Variants in COL13A1 observed in about 807,000 individuals in gnomAD.
COL13A1 encodes the protein collagen type XIII alpha 1 chain.
COL13A1 carries 89 observed loss-of-function variants against 130.9 expected under a neutral mutation model. That is an observed-to-expected ratio of 0.68 (90% confidence interval 0.57 to 0.81). COL13A1 has a LOEUF of 0.81. COL13A1 is among the 30% of genes least tolerant of loss of function. The pLI is 0.00. For synonymous variants in COL13A1, 402 were observed against 341.6 expected, an observed-to-expected ratio of 1.18 and a Z score of -1.95; for missense variants, 879 against 934.6, an observed-to-expected ratio of 0.94 and a Z score of 0.78.
intron 14 of COL13A1, among the ~76,000 whole-genome samples, chr10:69,902,432 G>T (rs976121560): frequency 1.3e-5 from 2 of 152,184 alleles, no homozygotes; most frequent in East Asian, 1.9e-4. Context: ...GCAGGCCTTT[G>T]GTTGGGCCAG....
At chr10:69,919,005 T>C (rs1026843304) in intron 19 of COL13A1, 57 bp from the exon 20 acceptor site, 47 of 1,611,442 alleles carry the variant, frequency 2.9e-5, no homozygotes, top group Admixed American at 1.7e-4. Context: ...ACAGGTGCCT[T>C]GCTCATTTGT....
At chr10:69,817,340 C>T (rs11598108) in intron 1 of COL13A1, among the ~76,000 whole-genome samples, 26,396 of 151,068 alleles carry the variant, frequency 0.17, 2,340 homozygotes, top group Admixed American at 0.26. Flanking sequence ...TGCAGATGGA[C>T]GGCACGTGTA....
intron 2 of COL13A1, among the ~76,000 whole-genome samples, chr10:69,842,848 T>C (rs1049268612): frequency 6.6e-6 from 1 of 152,184 alleles, no homozygotes; most frequent in Non-Finnish European, 1.5e-5. Context: ...TTCCGCTGTG[T>C]GAGGGTTTCA....
intron 2 of COL13A1, among the ~76,000 whole-genome samples, chr10:69,857,504 A>G (rs1165907191): frequency 6.6e-6 from 1 of 152,196 alleles, no homozygotes; most frequent in East Asian, 1.9e-4. Context: ...CCATCAGATC[A>G]GTGGTGGCAT....
Position 69,888,560 on chromosome 10 carries a change from C to T in COL13A1, c.576+230C>T, listed in dbSNP as rs7100913. On this transcript the variant is annotated intron_variant, in intron 9 of 40. Coordinates refer to ENST00000645393, the MANE Select transcript of COL13A1 (RefSeq NM_001368882.1). Reference sequence around the variant, plus strand: ...CTGAGCTTGGCTTTCGAAGTCCAGGCGAGAGCCATCCCTAGAATGGGTGAT... The same window carrying T: ...CTGAGCTTGGCTTTCGAAGTCCAGGTGAGAGCCATCCCTAGAATGGGTGAT... 0.12 allele frequency among the ~76,000 whole-genome samples: 18,851 copies of T among 152,112 alleles called. 1,226 individuals are homozygous for T. The highest frequency in any genetic ancestry group is 0.23 in the Middle Eastern group (69 of 294).
intron 20 of COL13A1, 27 bp downstream of exon 20, chr10:69,919,115 G>T: frequency 6.2e-7 from 1 of 1,613,890 alleles, no homozygotes; most frequent in Non-Finnish European, 8.5e-7. Context: ...AATGTTCCGG[G>T]CTGCACAGAG....
At chr10:69,904,363 A>G (rs941265237) in intron 15 of COL13A1, among the ~76,000 whole-genome samples, 15 of 152,208 alleles carry the variant, frequency 9.9e-5, no homozygotes, top group African/African-American at 3.6e-4. Flanking sequence ...GACCAGACTC[A>G]GGCATCACGG....
intron 30 of COL13A1, among the ~76,000 whole-genome samples, chr10:69,932,021 C>T (rs1451205641): frequency 1.3e-5 from 2 of 152,094 alleles, no homozygotes; most frequent in African/African-American, 4.8e-5. Flanking sequence ...AGGCCACCTA[C>T]AGTTCCTGCC....
chr10:69,898,754 A>G lies in COL13A1; in HGVS notation c.742A>G (p.Thr248Ala). ...TCCACCCCCGGTCATAAAAAGGCGG[A>G]CGTTCCAGGTAGACACCTCCCGTTT... is the stretch of plus-strand genomic sequence containing the variant. ...LAPPPVIKRR[T>A]FQGEQSQASI... Residue 248 changes from threonine to alanine, a missense_variant, in exon 14 of 41, where the codon ACG becomes GCG. Physicochemically the swap from Thr to Ala is moderately conservative, Grantham distance 58 (BLOSUM62 0). This residue lies in a region of COL13A1 where 715 missense variants were observed against 721.0 expected (regional missense o/e 0.99). Transcript: ENST00000645393. 6.2e-7 allele frequency: 1 copy of G among 1,613,128 alleles called. No individual in the cohort carries two copies. The highest frequency in any genetic ancestry group is 1.1e-5 in the South Asian group (1 of 90,880).
chr10:69,827,555 T>A (rs1227796433), intron 2 of COL13A1, among the ~76,000 whole-genome samples: 2 of 152,184 alleles, frequency 1.3e-5, no homozygotes, highest in Non-Finnish European at 2.9e-5. Context: ...ACAATTTGTA[T>A]TCTAGAACAA....
intron 2 of COL13A1, among the ~76,000 whole-genome samples, chr10:69,859,454 T>C (rs953210367): frequency 3.0e-4 from 46 of 152,158 alleles, no homozygotes; most frequent in Admixed American, 2.7e-3. Context: ...GCCCCTCTTC[T>C]CTGCTCCTCC....
chr10:69,859,241 C>T (rs2395285), intron 2 of COL13A1, among the ~76,000 whole-genome samples: 32,117 of 150,786 alleles, frequency 0.21, 1,222 homozygotes, highest in East Asian at 0.44. Context: ...AAAGTAATTG[C>T]GGGTTTTGCC....
At chr10:69,878,584 C>G (rs1195602982) in intron 6 of COL13A1, among the ~76,000 whole-genome samples, 1 of 152,142 alleles carries the variant, frequency 6.6e-6, no homozygotes, top group Non-Finnish European at 1.5e-5. Context: ...TGGGTTCAAG[C>G]AATTCTCCTA....
rs559403816 is a variant in COL13A1 at position 69,929,837 on chromosome 10, C to T, written c.1486-206C>T. On this transcript the variant is annotated intron_variant, in intron 28 of 40. Transcript: ENST00000645393. ...GGCTCCTCAGTTCACTAACTGTGGG[C>T]CTCAGGCACACAACTCTGTGCTTTG... is the stretch of plus-strand genomic sequence containing the variant. 5.0e-4 allele frequency among the ~76,000 whole-genome samples: 76 copies of T among 152,348 alleles called. No homozygotes were observed. In the South Asian group the frequency reaches 0.015, roughly 30 times the overall value.
chr10:69,902,608 T>C, intron 14 of COL13A1, 140 bp from the exon 15 acceptor site: 1 of 611,354 alleles, frequency 1.6e-6, no homozygotes, highest in East Asian at 3.2e-5. Flanking sequence ...ATCACCATCA[T>C]GCCACCGCTT....
At chr10:69,870,335 C>A (rs1217428850) in intron 3 of COL13A1, among the ~76,000 whole-genome samples, 2 of 150,496 alleles carry the variant, frequency 1.3e-5, no homozygotes. Flanking sequence ...GAGTGAGAGG[C>A]AGGGTCTCAC....
chr10:69,938,508 T>C (rs2067231128), intron 34 of COL13A1, among the ~76,000 whole-genome samples: 1 of 152,180 alleles, frequency 6.6e-6, no homozygotes, highest in Admixed American at 6.5e-5. Flanking sequence ...AGTGGGTCAC[T>C]GGAGGTCACA....
chr10:69,935,496 G>A (rs930436634), intron 32 of COL13A1, 105 bp downstream of exon 32: 2 of 870,562 alleles, frequency 2.3e-6, no homozygotes, highest in South Asian at 3.8e-5. Context: ...TTCCTCCCAG[G>A]GAGGGATTTT....
intron 7 of COL13A1, among the ~76,000 whole-genome samples, chr10:69,884,637 G>A (rs1297534801): frequency 3.3e-5 from 5 of 152,178 alleles, no homozygotes; most frequent in Non-Finnish European, 7.4e-5. Flanking sequence ...AGATTTCAGA[G>A]ATCAATGTAA....
Sources: allele counts gnomAD v4.1 joint callset (sites outside exome capture counted in the v4.1 genomes callset), GRCh38; gene constraint gnomAD v4.1.1; regional missense constraint gnomAD v4.1.1; transcripts MANE v1.5; gene names NCBI Gene and HGNC (gene_info 2026-07-23, HGNC 2026-07-21).